Variants in KIF20B observed in about 807,000 individuals in gnomAD.
KIF20B encodes the protein kinesin-like protein KIF20B.
In KIF20B, 188 loss-of-function variants were observed where a neutral mutation model predicts 232.5. The ratio of observed to expected loss-of-function variants is 0.81; its 90% CI spans 0.72 to 0.91. KIF20B has a LOEUF of 0.91. Ranked by LOEUF, KIF20B falls within the 40% of genes least tolerant of loss-of-function variation. KIF20B has a pLI of 0.00. For synonymous variants in KIF20B, 712 were observed against 683.0 expected (o/e 1.04, Z -0.66); for missense variants, 2,154 against 2,055.9 (o/e 1.05, Z -0.92).
chr10:89,711,614 A>G (rs1467427242), intron 6 of KIF20B, among the ~76,000 whole-genome samples: 3 of 152,066 alleles, frequency 2.0e-5, no homozygotes, highest in Non-Finnish European at 4.4e-5. Context: ...ATCTGTATAT[A>G]CACAAACATG....
At chr10:89,744,019 C>A in intron 22 of KIF20B, 92 bp downstream of exon 22, 1 of 975,958 alleles carries the variant, frequency 1.0e-6, no homozygotes, top group Non-Finnish European at 1.5e-6. Flanking sequence ...TAATAACATC[C>A]TGTTTTGACT....
At chr10:89,767,183 C>CT (rs59954065) in intron 29 of KIF20B, among the ~76,000 whole-genome samples, 4,590 of 142,342 alleles carry the variant, frequency 0.032, 330 homozygotes, top group East Asian at 0.26. Context: ...TCCACATACT[C>CT]TTTTTTTTTT....
At chr10:89,721,522 T>C (rs1456695440) in intron 13 of KIF20B, among the ~76,000 whole-genome samples, 1 of 151,864 alleles carries the variant, frequency 6.6e-6, no homozygotes, top group East Asian at 1.9e-4. Flanking sequence ...AAAGTAAAAT[T>C]AGTTAGGCAT....
At position 89,716,471 on chromosome 10, in the gene KIF20B, G is replaced by A; in HGVS notation, c.976G>A (p.Ala326Thr). ...GATTCAAGTATCTGATTCCAAAGAA[G>A]CCTATAGACTTTTAAAACTAGGAAT... Reference protein sequence around the residue: ...QWIQVSDSKEAYRLLKLGIKH... With the variant: ...QWIQVSDSKETYRLLKLGIKH... The change falls in exon 9 of 33, where the codon GCC becomes ACC. Residue 326 changes from alanine (A) to threonine (T), a missense_variant. Transcript: ENST00000371728. The A allele has an allele frequency of 6.3e-7, 1 of 1,575,200 alleles. No homozygotes were observed. The highest frequency in any genetic ancestry group is 1.1e-5 in the South Asian group (1 of 87,012).
chr10:89,753,898 G>C (rs1284418620), intron 25 of KIF20B, among the ~76,000 whole-genome samples: 1 of 152,084 alleles, frequency 6.6e-6, no homozygotes, highest in Non-Finnish European at 1.5e-5. Flanking sequence ...AATTACGGGC[G>C]TGAGCCACCG....
chr10:89,729,162 T>C lies in KIF20B; in HGVS notation c.2306T>C (p.Leu769Ser), dbSNP rs767089419. The change falls in exon 18 of 33, where the codon TTG becomes TCG. Residue 769 changes from leucine to serine, a missense_variant. Coordinates refer to ENST00000371728, the MANE Select transcript of KIF20B (RefSeq NM_001284259.2). ...ACACAGAATCAAAGAATTAAAGAAT[T>C]GATAAATATAATTGATCAAAAAGAA... Reference protein sequence around the residue: ...IITQNQRIKELINIIDQKEDT... With the variant: ...IITQNQRIKESINIIDQKEDT... 4 of 1,453,136 alleles carry C rather than the reference T, an allele frequency of 2.8e-6. No homozygotes were observed. Among genetic ancestry groups the C allele is most frequent in the African/African-American group, 2.9e-5 (2 of 68,760 alleles). 90.0% of individuals were successfully genotyped at this position (1,453,136 alleles called of 1,614,324 possible).
At chr10:89,718,549 A>G (rs1005800187) in intron 11 of KIF20B, among the ~76,000 whole-genome samples, 161 bp from the exon 12 acceptor site, 1 of 152,122 alleles carries the variant, frequency 6.6e-6, no homozygotes. Flanking sequence ...AGAAAAGATA[A>G]AAAGAAAACT....
intron 26 of KIF20B, among the ~76,000 whole-genome samples, chr10:89,757,949 A>G (rs1231483754): frequency 6.6e-6 from 1 of 151,402 alleles, no homozygotes; most frequent in Non-Finnish European, 1.5e-5. Flanking sequence ...GCATTTGTAG[A>G]TCGTCTCTTC....
In KIF20B at chr10:89,747,834, T is replaced by TA. The variant is rs372252473; in HGVS notation, c.4096+1876dup. ...CGCACCAGCATGTCACATGTATACATATGTAACTAACCTGCACATTGTGCA... is the reference window on the plus strand; with the variant it reads ...CGCACCAGCATGTCACATGTATACATAATGTAACTAACCTGCACATTGTGCA... On this transcript the variant is annotated intron_variant, in intron 23 of 32. Coordinates refer to ENST00000371728, the MANE Select transcript of KIF20B (RefSeq NM_001284259.2). 6.5e-3 allele frequency among the ~76,000 whole-genome samples: 992 copies of TA among 152,130 alleles called. 4 individuals are homozygous for TA. The highest frequency in any genetic ancestry group is 0.011 in the Non-Finnish European group (741 of 67,998).
At position 89,710,998 on chromosome 10, in the gene KIF20B, G is replaced by A; in HGVS notation, c.528G>A (p.Leu176=). 6.2e-7 allele frequency: 1 copy of A among 1,606,902 alleles called. No individual in the cohort carries two copies. The highest frequency in any genetic ancestry group is 8.5e-7 in the Non-Finnish European group (1 of 1,177,928). ...ATATTGGCATTCTGCCTCGAACTTT[G>A]AATGTATTATTTGATAGTCTTCAAG... ...EENIGILPRT[L]NVLFDSLQER... is the part of the protein sequence containing the mutation. Residue 176 remains leucine, a synonymous_variant, in exon 6 of 33, where the codon TTG becomes TTA. Transcript: ENST00000371728.
At chr10:89,757,069 T>TATATATATATATATATAC (rs138088478) in intron 26 of KIF20B, among the ~76,000 whole-genome samples, 55 of 134,326 alleles carry the variant, frequency 4.1e-4, no homozygotes, top group Admixed American at 1.3e-3. Context: ...TATATATATA[T>TATATATATATATATATAC]ACACACATGA....
chr10:89,722,347 A>G (rs1440036514), intron 13 of KIF20B, among the ~76,000 whole-genome samples: 1 of 152,236 alleles, frequency 6.6e-6, no homozygotes, highest in Non-Finnish European at 1.5e-5. Context: ...ATCAGATGCT[A>G]ACAATGATAA....
At chr10:89,704,206 C>T (rs1208418565) in intron 1 of KIF20B, among the ~76,000 whole-genome samples, 1 of 152,076 alleles carries the variant, frequency 6.6e-6, no homozygotes, top group Non-Finnish European at 1.5e-5. Context: ...GGGTGATGGT[C>T]GTTACTACTT....
chr10:89,702,872 G>A (rs1025295362), intron 1 of KIF20B, among the ~76,000 whole-genome samples: 10 of 151,954 alleles, frequency 6.6e-5, no homozygotes, highest in Admixed American at 5.9e-4. Flanking sequence ...AGTGGTATAA[G>A]GCAAGGTTCT....
intron 31 of KIF20B, among the ~76,000 whole-genome samples, chr10:89,771,211 T>TA (rs1210780018): frequency 6.6e-6 from 1 of 152,050 alleles, no homozygotes; most frequent in Non-Finnish European, 1.5e-5. Context: ...CAGCATCACT[T>TA]AATCTTTATT....
At position 89,714,036 on chromosome 10, in the gene KIF20B, C is replaced by G. The variant is rs1554849083; in HGVS notation, c.676-11C>G. On this transcript the variant is annotated splice_polypyrimidine_tract_variant and intron_variant, in intron 6 of 32. Coordinates refer to ENST00000371728, the MANE Select transcript of KIF20B (RefSeq NM_001284259.2). ...TGTTTTTTTAATTTTTTAAAACAAT[C>G]TTTTTTTTAGGTTACTGTGCATAAT... 7 of 1,348,180 alleles carry G rather than the reference C, an allele frequency of 5.2e-6. No individual in the cohort carries two copies. Among genetic ancestry groups the G allele is most frequent in the Non-Finnish European group, 7.0e-6 (7 of 995,000 alleles). The allele number at this position is 1,348,180 out of a possible 1,614,324, so 83.5% of individuals were successfully genotyped here.
intron 13 of KIF20B, among the ~76,000 whole-genome samples, chr10:89,722,149 G>T (rs1843072850): frequency 6.6e-6 from 1 of 152,108 alleles, no homozygotes. Flanking sequence ...CTTGGGCTCA[G>T]GCAATCCTCC....
chr10:89,765,404 G>A (rs1842337415), intron 29 of KIF20B, among the ~76,000 whole-genome samples: 1 of 152,060 alleles, frequency 6.6e-6, no homozygotes, highest in Non-Finnish European at 1.5e-5. Flanking sequence ...ACAAATGGAA[G>A]AACATTCCAT....
chr10:89,768,192 T>C (rs973459962), intron 29 of KIF20B, 98 bp from the exon 30 acceptor site: 7 of 750,990 alleles, frequency 9.3e-6, no homozygotes, highest in Admixed American at 8.4e-5. Flanking sequence ...GTCACTGTTT[T>C]AAGTGATAAT....
Sources: gnomAD v4.1 joint callset for allele counts (sites outside exome capture counted in the v4.1 genomes callset) on GRCh38, gnomAD v4.1.1 for gene constraint, MANE v1.5 for transcripts, NCBI Gene and HGNC (gene_info 2026-07-23, HGNC 2026-07-21) for gene names.